The following RTN3 variants were observed in gnomAD, a reference collection of about 807,000 sequenced individuals.
The protein encoded by RTN3 is reticulon 3.
In RTN3, 49 loss-of-function variants were observed where a neutral mutation model predicts 77.8. That is an observed-to-expected ratio of 0.63 (90% confidence interval 0.50 to 0.80). The LOEUF is 0.80. RTN3 is among the 30% of genes least tolerant of loss of function. RTN3 has a pLI of 0.00. For missense variants in RTN3, 1,236 were observed against 1,211.9 expected, an observed-to-expected ratio of 1.02 and a Z score of -0.29; for synonymous variants, 464 against 446.9, an observed-to-expected ratio of 1.04 and a Z score of -0.48.
intron 3 of RTN3, among the ~76,000 whole-genome samples, chr11:63,728,473 C>A (rs1261416717): frequency 2.6e-5 from 4 of 152,230 alleles, no homozygotes; most frequent in Non-Finnish European, 5.9e-5. Context: ...GTCCTGAAGA[C>A]AGACCTTTCT....
intron 1 of RTN3, among the ~76,000 whole-genome samples, chr11:63,690,928 GT>G (rs1941622215): frequency 6.6e-6 from 1 of 152,012 alleles, no homozygotes; most frequent in Admixed American, 6.6e-5. Flanking sequence ...GGGTTTTAGT[GT>G]ATGCACAAGG....
At chr11:63,738,223 A>G (rs1246589126) in intron 3 of RTN3, among the ~76,000 whole-genome samples, 1 of 152,174 alleles carries the variant, frequency 6.6e-6, no homozygotes, top group African/African-American at 2.4e-5. Context: ...GTTATAAAAC[A>G]TGGCCTTTTT....
chr11:63,728,934 T>C (rs887059215), intron 3 of RTN3, among the ~76,000 whole-genome samples: 2 of 144,390 alleles, frequency 1.4e-5, no homozygotes, highest in Non-Finnish European at 3.0e-5. Flanking sequence ...TAGAGAAGAA[T>C]GACACAGGGA....
At chr11:63,681,820 G>A in intron 1 of RTN3, 42 bp downstream of exon 1, 2 of 1,497,180 alleles carry the variant, frequency 1.3e-6, no homozygotes, top group Non-Finnish European at 1.8e-6. Context: ...AAGAGGGCGA[G>A]CGGGAGCCTG....
intron 1 of RTN3, among the ~76,000 whole-genome samples, chr11:63,697,932 T>G (rs1942048661): frequency 6.6e-6 from 1 of 152,178 alleles, no homozygotes; most frequent in South Asian, 2.1e-4. Context: ...TAAAAAACTT[T>G]CCCTCAACGT....
At chr11:63,753,560 T>G (rs1246353885) in intron 6 of RTN3, 102 bp from the exon 7 acceptor site, 5 of 1,064,732 alleles carry the variant, frequency 4.7e-6, no homozygotes, top group Non-Finnish European at 7.1e-6. Flanking sequence ...AATGCCTGTG[T>G]TTTCCTGTAT....
At chr11:63,689,273 T>C (rs558684869) in intron 1 of RTN3, among the ~76,000 whole-genome samples, 1 of 152,366 alleles carries the variant, frequency 6.6e-6, no homozygotes, top group Non-Finnish European at 1.5e-5. Flanking sequence ...TTTGTTCTTA[T>C]AATTGACTTA....
chr11:63,721,901 A>ATT (rs2011842504), intron 3 of RTN3, among the ~76,000 whole-genome samples: 1 of 152,178 alleles, frequency 6.6e-6, no homozygotes, highest in African/African-American at 2.4e-5. Context: ...TTGTAGTACT[A>ATT]TTTTGTGAGT....
chr11:63,692,070 T>G (rs1282966923), intron 1 of RTN3, among the ~76,000 whole-genome samples: 1 of 152,194 alleles, frequency 6.6e-6, no homozygotes, highest in East Asian at 1.9e-4. Flanking sequence ...TTGCCCAGGC[T>G]GGAGTGCAGT....
At chr11:63,709,428 G>T (rs1038552771) in intron 2 of RTN3, among the ~76,000 whole-genome samples, 2 of 152,032 alleles carry the variant, frequency 1.3e-5, no homozygotes, top group African/African-American at 4.8e-5. Flanking sequence ...ATTGGAAAGA[G>T]GATCCATCCA....
chr11:63,689,920 G>A (rs1228491638), intron 1 of RTN3, among the ~76,000 whole-genome samples: 3 of 151,980 alleles, frequency 2.0e-5, no homozygotes, highest in African/African-American at 7.3e-5. Flanking sequence ...ACCATGCCCA[G>A]CTAATTTTTG....
chr11:63,685,704 T>C (rs520908), intron 1 of RTN3, among the ~76,000 whole-genome samples: 143,197 of 152,122 alleles, frequency 0.94, 67,465 homozygotes, highest in East Asian at 0.99. Flanking sequence ...AAAAAATCTG[T>C]ACGTATTGCT....
chr11:63,704,329 A>G (rs543580645), intron 1 of RTN3, among the ~76,000 whole-genome samples: 1 of 152,206 alleles, frequency 6.6e-6, no homozygotes, highest in Admixed American at 6.5e-5. Context: ...TAGAAGATAG[A>G]TTTCTCATGT....
At chr11:63,713,490 T>G (rs1339290241) in intron 2 of RTN3, among the ~76,000 whole-genome samples, 1 of 151,960 alleles carries the variant, frequency 6.6e-6, no homozygotes, top group African/African-American at 2.4e-5. Flanking sequence ...TTTAATTTTT[T>G]TGTAGAGATG....
chr11:63,713,047 G>GTC (rs1011637002), intron 2 of RTN3, among the ~76,000 whole-genome samples: 1 of 152,060 alleles, frequency 6.6e-6, no homozygotes, highest in African/African-American at 2.4e-5. Flanking sequence ...GTGAGCCAAG[G>GTC]TCACACCATT....
Position 63,729,684 on chromosome 11 carries a change from T to A in RTN3, c.2530+8652T>A, listed in dbSNP as rs980455238. On this transcript the variant is annotated intron_variant, in intron 3 of 8. Transcript: ENST00000377819. ...TATGTTGCCAACACTGGCATTGATC[T>A]CCTGGGCTCAAGTAATCCTCCCACC... Among the ~76,000 whole-genome samples, 7 of 152,044 alleles carry A rather than the reference T, an allele frequency of 4.6e-5. No homozygotes were observed. The East Asian group carries it at 7.7e-4, about 17-fold the overall frequency.
chr11:63,720,639 C>G lies in RTN3; in HGVS notation c.2137C>G (p.Gln713Glu). Reference sequence around the variant, plus strand: ...AGACATTGGAAGCAAATACAGTGAACAAAGCAAAGAAACAAATGGAAGTGA... The same window carrying G: ...AGACATTGGAAGCAAATACAGTGAAGAAAGCAAAGAAACAAATGGAAGTGA... ...IKDIGSKYSE[Q>E]SKETNGSEPL... Residue 713 changes from glutamine to glutamate, a missense_variant, in exon 3 of 9, where the codon CAA becomes GAA. This residue lies in a region of RTN3 where 1,056 missense variants were observed against 990.4 expected (regional missense o/e 1.07). Coordinates refer to ENST00000377819, the MANE Select transcript of RTN3 (RefSeq NM_001265589.2). The G allele has an allele frequency of 6.2e-7, 1 of 1,613,950 alleles. No homozygotes were observed. The highest frequency in any genetic ancestry group is 2.2e-5 in the East Asian group (1 of 44,878).
At chr11:63,693,726 G>A (rs748265813) in intron 1 of RTN3, among the ~76,000 whole-genome samples, 3 of 152,158 alleles carry the variant, frequency 2.0e-5, no homozygotes, top group Non-Finnish European at 4.4e-5. Context: ...TTTAAGGTTA[G>A]CCTCTTTTAT....
Position 63,720,963 on chromosome 11 carries a change from G to C in RTN3, c.2461G>C (p.Val821Leu). The C allele has an allele frequency of 6.2e-7, 1 of 1,613,820 alleles. No homozygotes were observed. Among genetic ancestry groups the C allele is most frequent in the Non-Finnish European group, 8.5e-7 (1 of 1,179,830 alleles). The change falls in exon 3 of 9, where the codon GTT becomes CTT. Residue 821 changes from valine to leucine, a missense_variant. Val to Leu is a conservative substitution (Grantham distance 32). Transcript: ENST00000377819. Reference sequence around the variant, plus strand: ...CAGAGAAACTACTAGGGTAGATGCTGTTTCCAGCCTTAGCAAGACTGAATT... The same window carrying C: ...CAGAGAAACTACTAGGGTAGATGCTCTTTCCAGCCTTAGCAAGACTGAATT... Reference protein sequence around the residue: ...TIRETTRVDAVSSLSKTELVK... With the variant: ...TIRETTRVDALSSLSKTELVK...
Sources: allele counts gnomAD v4.1 joint callset (sites outside exome capture counted in the v4.1 genomes callset), GRCh38; gene constraint gnomAD v4.1.1; regional missense constraint gnomAD v4.1.1; transcripts MANE v1.5; gene names NCBI Gene and HGNC (gene_info 2026-07-23, HGNC 2026-07-21).